SUGCT: variants seen among roughly 807,000 people sequenced by gnomAD.
SUGCT encodes succinyl-CoA:glutarate-CoA transferase.
SUGCT carries 41 observed loss-of-function variants against 55.0 expected under a neutral mutation model. The observed-to-expected ratio is 0.74, with a 90% CI of 0.58 to 0.97. The LOEUF is 0.97. Ranked by LOEUF, SUGCT falls within the 50% of genes least tolerant of loss-of-function variation. The pLI is 0.00. For synonymous variants in SUGCT, 187 were observed against 200.4 expected (o/e 0.93, Z 0.56); for missense variants, 568 against 547.8 (o/e 1.04, Z -0.37).
chr7:40,888,793 A>T, the SUGCT span, among the ~76,000 whole-genome samples: 2 of 152,282 alleles, frequency 1.3e-5, no homozygotes, highest in East Asian at 3.9e-4. Context: ...GGAGGTGTCA[A>T]GTAGGAAGTC....
intron 11 of SUGCT, among the ~76,000 whole-genome samples, chr7:40,469,771 G>C (rs1312166898): frequency 6.6e-6 from 1 of 152,038 alleles, no homozygotes; most frequent in African/African-American, 2.4e-5. Context: ...CCTTTTAGGA[G>C]GAAGAATTAG....
chr7:40,914,106 C>G, the SUGCT span, among the ~76,000 whole-genome samples: 3 of 150,608 alleles, frequency 2.0e-5, no homozygotes, highest in East Asian at 5.9e-4. Flanking sequence ...GACAACACCA[C>G]TTCTACGTAT....
Position 40,787,347 on chromosome 7 carries a change from C to G in SUGCT, c.1153+37850C>G, listed in dbSNP as rs138295668. On this transcript the variant is annotated intron_variant, in intron 13 of 13. Coordinates refer to ENST00000335693, the MANE Select transcript of SUGCT (RefSeq NM_001193313.2). ...TTCCCTTTCCCCACTTAGGGCATTA[C>G]CATTTCTTGGTGCATGGCATAATGA... 2.6e-5 allele frequency among the ~76,000 whole-genome samples: 4 copies of G among 152,252 alleles called. No homozygotes were observed. In the East Asian group the frequency reaches 7.7e-4, roughly 29 times the overall value.
the SUGCT span, among the ~76,000 whole-genome samples, chr7:41,025,242 G>C: frequency 6.6e-6 from 1 of 152,144 alleles, no homozygotes; most frequent in Non-Finnish European, 1.5e-5. Flanking sequence ...TTCTTAAACA[G>C]ATGTCAAAGA....
chr7:40,908,326 T>G, the SUGCT span, among the ~76,000 whole-genome samples: 1 of 143,188 alleles, frequency 7.0e-6, no homozygotes, highest in African/African-American at 2.7e-5. Context: ...GAGCTTGCAG[T>G]GAGCTGAGAT....
chr7:40,228,967 G>C (rs940590863), intron 6 of SUGCT, among the ~76,000 whole-genome samples: 3 of 152,050 alleles, frequency 2.0e-5, no homozygotes, highest in Non-Finnish European at 4.4e-5. Flanking sequence ...AGGCCTTTCC[G>C]GGTTGGCTTC....
intron 12 of SUGCT, among the ~76,000 whole-genome samples, chr7:40,731,838 T>A (rs1786903483): frequency 6.6e-6 from 1 of 152,222 alleles, no homozygotes; most frequent in Non-Finnish European, 1.5e-5. Context: ...GACTTCATCA[T>A]GATTATGTGC....
intron 12 of SUGCT, among the ~76,000 whole-genome samples, chr7:40,611,822 T>G (rs1798778458): frequency 6.6e-6 from 1 of 152,178 alleles, no homozygotes; most frequent in South Asian, 2.1e-4. Context: ...AACTGAGACA[T>G]AGACAGGTTA....
chr7:40,196,390 A>G (rs1012632749), intron 6 of SUGCT, among the ~76,000 whole-genome samples: 1 of 152,242 alleles, frequency 6.6e-6, no homozygotes, highest in African/African-American at 2.4e-5. Context: ...ATAGACTCAG[A>G]TTCTGGAATA....
chr7:40,211,841 AG>A (rs1295146803), intron 6 of SUGCT, among the ~76,000 whole-genome samples: 2 of 152,158 alleles, frequency 1.3e-5, no homozygotes, highest in Non-Finnish European at 2.9e-5. Context: ...TATCTAGAGC[AG>A]GGGCCTGGAA....
chr7:40,404,421 T>C (rs1583607727), intron 9 of SUGCT, among the ~76,000 whole-genome samples: 1 of 151,908 alleles, frequency 6.6e-6, no homozygotes, highest in Admixed American at 6.6e-5. Flanking sequence ...AGACATACTT[T>C]CAGAGAAGGA....
rs191437096 is a variant in SUGCT, at chr7:40,705,078, C to A, written c.1090-44356C>A. Among the ~76,000 whole-genome samples, 54 of 152,096 alleles carry A rather than the reference C, an allele frequency of 3.6e-4. 1 individual carries two copies. In the South Asian group the frequency reaches 9.4e-3, roughly 26 times the overall value. On this transcript the variant is annotated intron_variant, in intron 12 of 13. Coordinates refer to ENST00000335693, the MANE Select transcript of SUGCT (RefSeq NM_001193313.2). ...CAATTTTTATAGTCGTTTATCAGTT[C>A]TTTTTTAAAAAAGGATTCTTCCTTG...
intron 12 of SUGCT, among the ~76,000 whole-genome samples, chr7:40,593,158 G>C (rs1355143335): frequency 6.6e-6 from 1 of 152,134 alleles, no homozygotes; most frequent in African/African-American, 2.4e-5. Flanking sequence ...GAGTCACAGA[G>C]GCTGACTTCG....
At chr7:40,766,251 T>C (rs754464268) in intron 13 of SUGCT, among the ~76,000 whole-genome samples, 1 of 152,156 alleles carries the variant, frequency 6.6e-6, no homozygotes, top group Non-Finnish European at 1.5e-5. Context: ...CACACTGTTG[T>C]CCCAGCTGGA....
At chr7:41,022,308 A>G in the SUGCT span, among the ~76,000 whole-genome samples, 1 of 152,194 alleles carries the variant, frequency 6.6e-6, no homozygotes, top group Admixed American at 6.5e-5. Context: ...AGTACTTACT[A>G]ACTTTATATT....
At chr7:40,135,680 G>A (rs867867610) in intron 1 of SUGCT, among the ~76,000 whole-genome samples, 3 of 151,234 alleles carry the variant, frequency 2.0e-5, no homozygotes, top group East Asian at 1.9e-4. Flanking sequence ...TTTTTGAGAC[G>A]GAGTCTCGCT....
At chr7:40,868,118 G>A in the SUGCT span, among the ~76,000 whole-genome samples, 5 of 152,004 alleles carry the variant, frequency 3.3e-5, no homozygotes, top group South Asian at 2.1e-4. Context: ...CTATATGCAC[G>A]TGCCTCCTTC....
At chr7:40,899,058 A>G in the SUGCT span, among the ~76,000 whole-genome samples, 1 of 150,002 alleles carries the variant, frequency 6.7e-6, no homozygotes, top group South Asian at 2.1e-4. Flanking sequence ...CCTCCAAGCC[A>G]CTCTTGTAGA....
In SUGCT at chr7:40,486,270, T is replaced by C. The variant is rs184504146; in HGVS notation, c.987-10014T>C. Among the ~76,000 whole-genome samples the C allele has an allele frequency of 2.4e-4, 37 of 152,290 alleles. 1 individual carries two copies. In the East Asian group the frequency reaches 5.4e-3, roughly 22 times the overall value. On this transcript the variant is annotated intron_variant, in intron 11 of 13. Transcript: ENST00000335693. ...ATCCAATATGCTGGCACATGATTGT[T>C]TGTAATAATCTCTCATGATCATTTG...
Sources: gnomAD v4.1 joint callset for allele counts (sites outside exome capture counted in the v4.1 genomes callset) on GRCh38, gnomAD v4.1.1 for gene constraint, MANE v1.5 for transcripts, NCBI Gene and HGNC (gene_info 2026-07-23, HGNC 2026-07-21) for gene names.